Variants in VKORC1L1 observed in about 807,000 individuals in gnomAD.
VKORC1L1 encodes the protein vitamin K epoxide reductase complex subunit 1L1.
VKORC1L1 carries 2 observed loss-of-function variants against 18.9 expected under a neutral mutation model. That is an observed-to-expected ratio of 0.11 (90% CI 0.04 to 0.33). VKORC1L1 has a LOEUF of 0.33. Among genes scored for constraint, VKORC1L1 ranks in the 10% least tolerant of loss-of-function variants. VKORC1L1 has a pLI of 1.00. For missense variants in VKORC1L1, 123 were observed against 224.1 expected (o/e 0.55, Z 2.88); for synonymous variants, 96 against 100.0 (o/e 0.96, Z 0.24).
intron 1 of VKORC1L1, among the ~76,000 whole-genome samples, chr7:65,898,383 C>A (rs1462581238): frequency 2.0e-5 from 3 of 151,926 alleles, no homozygotes; most frequent in African/African-American, 7.3e-5. Flanking sequence ...TACGCCCGGC[C>A]AGGTAGCAGC....
rs531467476 is a variant in VKORC1L1 at position 65,940,135 on chromosome 7, C to G, written c.195-8536C>G. On this transcript the variant is annotated intron_variant, in intron 1 of 2. Transcript: ENST00000360768. ...GAACTGCTGGACTCAAGCAGTCAAC[C>G]TACCCCAGCTGCCCGAGTAGCTGGG... Among the ~76,000 whole-genome samples, 294 of 152,130 alleles carry G rather than the reference C, an allele frequency of 1.9e-3. 3 individuals carry two copies. The highest frequency in any genetic ancestry group is 6.7e-3 in the African/African-American group (278 of 41,482).
chr7:65,938,372 G>C (rs1583861058), intron 1 of VKORC1L1, among the ~76,000 whole-genome samples: 2 of 152,078 alleles, frequency 1.3e-5, no homozygotes, highest in African/African-American at 2.4e-5. Flanking sequence ...CCTAGAAATG[G>C]AGTAAAAGGA....
chr7:65,923,503 C>A (rs6970243), intron 1 of VKORC1L1, among the ~76,000 whole-genome samples: 18,894 of 151,970 alleles, frequency 0.12, 1,329 homozygotes, highest in Middle Eastern at 0.21. Context: ...GGGAGTGACT[C>A]CAAGTGTGAT....
chr7:65,944,916 C>CAAAAAA (rs376538691), intron 1 of VKORC1L1, among the ~76,000 whole-genome samples: 1 of 74,978 alleles, frequency 1.3e-5, no homozygotes. Flanking sequence ...GACCCCGTCT[C>CAAAAAA]AAAAAAAAAA....
chr7:65,937,842 C>T (rs935176884), intron 1 of VKORC1L1, among the ~76,000 whole-genome samples: 5 of 152,004 alleles, frequency 3.3e-5, no homozygotes, highest in African/African-American at 1.2e-4. Flanking sequence ...CTCAGAGCAA[C>T]CAAAAATTGA....
chr7:65,929,682 G>GTGTA (rs370107880), intron 1 of VKORC1L1, among the ~76,000 whole-genome samples: 86 of 128,628 alleles, frequency 6.7e-4, no homozygotes, highest in African/African-American at 1.5e-3. Flanking sequence ...GTGTGTGTGT[G>GTGTA]TATATATATA....
chr7:65,873,640 G>A (rs1165999101), intron 1 of VKORC1L1, 75 bp downstream of exon 1: 5 of 1,366,618 alleles, frequency 3.7e-6, no homozygotes, highest in Non-Finnish European at 4.8e-6. Flanking sequence ...GGAGCGCGCG[G>A]CGGGAGCTCA....
In VKORC1L1 at chr7:65,956,382, A is replaced by G. The variant is rs1790295679; in HGVS notation, c.*2082A>G. The G allele has an allele frequency of 6.6e-6, 1 of 152,190 alleles. No individual in the cohort carries two copies. The highest frequency in any genetic ancestry group is 6.5e-5 in the Admixed American group (1 of 15,280). 9.4% of individuals were successfully genotyped at this position (152,190 alleles called of 1,614,324 possible). Reference sequence around the variant, plus strand: ...CCAATATCCAATGGTTTTTCATCCTATTTTGTATCAATCAACAGAGTATAG... The same window carrying G: ...CCAATATCCAATGGTTTTTCATCCTGTTTTGTATCAATCAACAGAGTATAG... On this transcript the variant is annotated 3_prime_UTR_variant, in exon 3 of 3. Transcript: ENST00000360768.
chr7:65,950,039 C>T (rs1274841061), intron 2 of VKORC1L1, among the ~76,000 whole-genome samples: 3 of 152,068 alleles, frequency 2.0e-5, no homozygotes, highest in Non-Finnish European at 2.9e-5. Context: ...TCTTTGGTTT[C>T]CCTGAAGCTC....
chr7:65,893,271 G>A (rs1277718010), intron 1 of VKORC1L1, among the ~76,000 whole-genome samples: 1 of 152,172 alleles, frequency 6.6e-6, no homozygotes, highest in African/African-American at 2.4e-5. Flanking sequence ...GACCTGGTGT[G>A]GTGGCTCATA....
At chr7:65,907,970 G>C (rs1201754111) in intron 1 of VKORC1L1, among the ~76,000 whole-genome samples, 2 of 152,066 alleles carry the variant, frequency 1.3e-5, no homozygotes, top group East Asian at 3.9e-4. Flanking sequence ...TCCCAGCTTT[G>C]ATTACTTACT....
intron 1 of VKORC1L1, among the ~76,000 whole-genome samples, chr7:65,887,938 G>C (rs375627556): frequency 2.6e-5 from 4 of 152,112 alleles, no homozygotes; most frequent in South Asian, 2.1e-4. Context: ...TTATCACTTA[G>C]TGATAGTGGG....
At chr7:65,873,827 G>A (rs1315567875) in intron 1 of VKORC1L1, among the ~76,000 whole-genome samples, 2 of 152,040 alleles carry the variant, frequency 1.3e-5, no homozygotes, top group African/African-American at 2.4e-5. Flanking sequence ...GTGCAGCCGG[G>A]AGGCCGGGGC....
intron 1 of VKORC1L1, among the ~76,000 whole-genome samples, chr7:65,943,039 G>A (rs1790062527): frequency 6.6e-6 from 1 of 152,166 alleles, no homozygotes; most frequent in South Asian, 2.1e-4. Context: ...ATAATTGGGA[G>A]GGGGATAGGG....
intron 1 of VKORC1L1, among the ~76,000 whole-genome samples, chr7:65,908,989 G>C (rs1789454384): frequency 6.6e-6 from 1 of 150,454 alleles, no homozygotes; most frequent in African/African-American, 2.4e-5. Flanking sequence ...TACAATACAG[G>C]CTGGGCACGG....
At chr7:65,931,580 A>G (rs73370687) in intron 1 of VKORC1L1, among the ~76,000 whole-genome samples, 2,802 of 152,150 alleles carry the variant, frequency 0.018, 54 homozygotes, top group East Asian at 0.087. Context: ...AATACTTTGT[A>G]TCTTGTTTTT....
chr7:65,945,175 C>T (rs1225355288), intron 1 of VKORC1L1, among the ~76,000 whole-genome samples: 1 of 150,514 alleles, frequency 6.6e-6, no homozygotes, highest in Non-Finnish European at 1.5e-5. Flanking sequence ...GCAGGAGAAT[C>T]ACTTGAATCC....
chr7:65,930,289 G>T (rs182477914), intron 1 of VKORC1L1, among the ~76,000 whole-genome samples: 3 of 152,174 alleles, frequency 2.0e-5, no homozygotes, highest in Admixed American at 6.6e-5. Flanking sequence ...ACTCAAATGG[G>T]ATTCTTAAAG....
At position 65,954,530 on chromosome 7, in the gene VKORC1L1, A is replaced by G. The variant is rs1239925744; in HGVS notation, c.*230A>G. 4 of 723,336 alleles carry G rather than the reference A, an allele frequency of 5.5e-6. No individual in the cohort carries two copies. The highest frequency in any genetic ancestry group is 5.4e-5 in the African/African-American group (3 of 55,730). 44.8% of individuals were successfully genotyped at this position (723,336 alleles called of 1,614,324 possible). A position where few individuals can be genotyped will look rare whatever the true frequency, so the allele number is the denominator to read the frequency against. On this transcript the variant is annotated 3_prime_UTR_variant, in exon 3 of 3. Coordinates refer to ENST00000360768, the MANE Select transcript of VKORC1L1 (RefSeq NM_173517.6). ...AGGATACGCCGAGCCAATCAAAGAC[A>G]AGCTTTAACTTTACTTTGAAGTGTT... is the stretch of plus-strand genomic sequence containing the variant.
Sources: allele counts gnomAD v4.1 joint callset (sites outside exome capture counted in the v4.1 genomes callset), GRCh38; gene constraint gnomAD v4.1.1; transcripts MANE v1.5; gene names NCBI Gene and HGNC (gene_info 2026-07-23, HGNC 2026-07-21).